Variants in DMTN observed in about 807,000 individuals in gnomAD.
DMTN encodes the protein dematin actin binding protein.
In DMTN, 27 loss-of-function variants were observed where a neutral mutation model predicts 59.4. That is an observed-to-expected ratio of 0.45 (90% CI 0.33 to 0.63). The LOEUF is 0.63. Among genes scored for constraint, DMTN ranks in the 20% least tolerant of loss-of-function variants. DMTN has a pLI of 0.02. For synonymous variants in DMTN, 221 were observed against 203.7 expected, an observed-to-expected ratio of 1.08 and a Z score of -0.72; for missense variants, 451 against 528.9, an observed-to-expected ratio of 0.85 and a Z score of 1.45.
In DMTN at chr8:22,069,228, G is replaced by C. The variant is rs890407951; in HGVS notation, c.294+168G>C. The C allele has an allele frequency of 3.3e-5, 30 of 913,356 alleles. No individual in the cohort carries two copies. In the African/African-American group the frequency reaches 5.1e-4, roughly 15 times the overall value. 56.6% of individuals were successfully genotyped at this position (913,356 alleles called of 1,614,324 possible). A position where few individuals can be genotyped will look rare whatever the true frequency, so the allele number is the denominator to read the frequency against. On this transcript the variant is annotated intron_variant, in intron 5 of 15. Transcript: ENST00000358242. ...GTGTCCATCATTCTGTCGGACCCAG[G>C]ACCTCAACCCTTTCTCCCTGGGCCA... is the stretch of plus-strand genomic sequence containing the variant.
At chr8:22,049,146 G>A (rs1297950930), upstream of DMTN, 2 of 150,122 alleles carry the variant, frequency 1.3e-5, no homozygotes, top group Non-Finnish European at 3.0e-5. Context: ...GCAGGCGAGG[G>A]CCCTGCGGAG....
upstream of DMTN, among the ~76,000 whole-genome samples, chr8:22,052,950 C>T (rs1287257333): frequency 6.6e-6 from 1 of 152,130 alleles, no homozygotes; most frequent in African/African-American, 2.4e-5. Context: ...AAAGTGTGCC[C>T]AGGCATCGTG....
chr8:22,074,837 G>A (rs1329296383), intron 10 of DMTN, among the ~76,000 whole-genome samples: 5 of 152,104 alleles, frequency 3.3e-5, no homozygotes, highest in Admixed American at 6.6e-5. Context: ...AGAGCTTGGC[G>A]GCTGGAGAGG....
In DMTN at chr8:22,081,564, G is replaced by A. The variant is rs568220637; in HGVS notation, c.*101G>A. 3.2e-4 allele frequency: 329 copies of A among 1,018,158 alleles called. 2 individuals carry two copies. The highest frequency in any genetic ancestry group is 4.1e-4 in the Non-Finnish European group (267 of 658,890). The allele number at this position is 1,018,158 out of a possible 1,614,324, so 63.1% of individuals were successfully genotyped here. ...AGGAGGTGGGGTGGAAATAGGGTGG[G>A]CTCCTTTCCTCAGGTAGAGTGGGGG... is the stretch of plus-strand genomic sequence containing the variant. On this transcript the variant is annotated 3_prime_UTR_variant, in exon 16 of 16. Transcript: ENST00000358242.
intron 10 of DMTN, among the ~76,000 whole-genome samples, chr8:22,076,457 T>G (rs1173089834): frequency 6.6e-6 from 1 of 151,594 alleles, no homozygotes; most frequent in Non-Finnish European, 1.5e-5. Context: ...ATAGAAAAAT[T>G]AGTTGGGAGT....
At chr8:22,078,798 G>GTTTTTTTTTTTTTTTTTTTTT (rs1224977627) in intron 10 of DMTN, among the ~76,000 whole-genome samples, 3 of 85,092 alleles carry the variant, frequency 3.5e-5, no homozygotes, top group Non-Finnish European at 6.3e-5. Flanking sequence ...ATGTCAGACT[G>GTTTTTTTTTTTTTTTTTTTTT]TTTTTTTTTT....
chr8:22,054,044 CAG>C (rs1488043284), upstream of DMTN, among the ~76,000 whole-genome samples: 2 of 152,038 alleles, frequency 1.3e-5, no homozygotes, highest in Admixed American at 6.5e-5. Context: ...GAGGTAGGGT[CAG>C]AGGATGGCAT....
intron 8 of DMTN, among the ~76,000 whole-genome samples, chr8:22,071,732 A>G (rs1279722613): frequency 6.6e-6 from 1 of 151,830 alleles, no homozygotes; most frequent in Non-Finnish European, 1.5e-5. Flanking sequence ...GGCGCCCGCC[A>G]CCACGCCCAG....
intron 9 of DMTN, among the ~76,000 whole-genome samples, chr8:22,072,671 T>C (rs1816630569): frequency 1.4e-5 from 2 of 140,866 alleles, no homozygotes; most frequent in Non-Finnish European, 3.1e-5. Context: ...GATAAGGTTT[T>C]GCCGTGTTGG....
chr8:22,056,577 C>T (rs1242264399), upstream of DMTN, among the ~76,000 whole-genome samples: 4 of 152,076 alleles, frequency 2.6e-5, no homozygotes, highest in African/African-American at 4.8e-5. Context: ...TGTGTGTGTG[C>T]GTGTGAGTGC....
intron 2 of DMTN, 63 bp from the exon 3 acceptor site, chr8:22,067,022 C>A (rs989115911): frequency 2.7e-6 from 4 of 1,459,202 alleles, no homozygotes; most frequent in Non-Finnish European, 3.6e-6. Context: ...GGCCTAGGGC[C>A]GCCCCCGCCC....
Position 22,057,144 on chromosome 8 carries a change from G to C in DMTN, c.-172+8G>C, listed in dbSNP as rs1018379283. 6.6e-6 allele frequency: 1 copy of C among 152,308 alleles called. No homozygotes were observed. The highest frequency in any genetic ancestry group is 1.5e-5 in the Non-Finnish European group (1 of 68,126). 9.4% of individuals were successfully genotyped at this position (152,308 alleles called of 1,614,324 possible). A position where few individuals can be genotyped will look rare whatever the true frequency, so the allele number is the denominator to read the frequency against. On this transcript the variant is annotated splice_region_variant and intron_variant, in intron 1 of 15. Coordinates refer to ENST00000358242, the MANE Select transcript of DMTN (RefSeq NM_001387751.1). ...CACACTGTCTGGGAAGAGGTAGGTG[G>C]CAGGGTCTCCGCCTCTCCTCCCCTC...
intron 10 of DMTN, among the ~76,000 whole-genome samples, chr8:22,078,799 T>TTTTTTTTC (rs1364451057): frequency 3.5e-4 from 1 of 2,894 alleles, no homozygotes; most frequent in East Asian, 0.015. Flanking sequence ...TGTCAGACTG[T>TTTTTTTTC]TTTTTTTTTT....
At chr8:22,076,084 G>T (rs1452280085) in intron 10 of DMTN, among the ~76,000 whole-genome samples, 1 of 152,130 alleles carries the variant, frequency 6.6e-6, no homozygotes, top group East Asian at 1.9e-4. Context: ...TTGGGTGCTG[G>T]GTGATGACCA....
chr8:22,057,396 C>T (rs1334435065), intron 1 of DMTN, among the ~76,000 whole-genome samples: 1 of 152,146 alleles, frequency 6.6e-6, no homozygotes, highest in Non-Finnish European at 1.5e-5. Context: ...TTGCCAGCAT[C>T]TCTGCCTGGC....
intron 9 of DMTN, among the ~76,000 whole-genome samples, chr8:22,072,954 A>G (rs1039265475): frequency 2.0e-5 from 3 of 152,168 alleles, no homozygotes; most frequent in Non-Finnish European, 4.4e-5. Context: ...ACTACTTGAT[A>G]TAAGGGTCAA....
chr8:22,081,524 C>A lies in DMTN; in HGVS notation c.*61C>A. ...CTGCTGCTTCAGGGTTTTTCCCCGG[C>A]GGGTTGGGAGGGGCAGGAGGTGGGG... On this transcript the variant is annotated 3_prime_UTR_variant, in exon 16 of 16. Coordinates refer to ENST00000358242, the MANE Select transcript of DMTN (RefSeq NM_001387751.1). 2.6e-6 allele frequency: 4 copies of A among 1,515,760 alleles called. No individual in the cohort carries two copies. Among genetic ancestry groups the A allele is most frequent in the South Asian group, 1.1e-5 (1 of 88,664 alleles). 93.9% of individuals were successfully genotyped at this position (1,515,760 alleles called of 1,614,324 possible).
rs764450579 is a variant in DMTN, at chr8:22,072,281, C to T, written c.605-45C>T. 28 of 1,565,890 alleles carry T rather than the reference C, an allele frequency of 1.8e-5. No individual in the cohort carries two copies. In the East Asian group the frequency reaches 4.1e-4, roughly 23 times the overall value. On this transcript the variant is annotated intron_variant, in intron 8 of 15. Transcript: ENST00000358242. Reference sequence around the variant, plus strand: ...CTGTGCCATGTAAACACACACTGACCCCATGGCGAGTGACTCCCTCCCCAC... The same window carrying T: ...CTGTGCCATGTAAACACACACTGACTCCATGGCGAGTGACTCCCTCCCCAC...
chr8:22,069,972 C>T (rs770258838), intron 7 of DMTN, 35 bp downstream of exon 7: 17 of 1,612,180 alleles, frequency 1.1e-5, no homozygotes, highest in South Asian at 5.5e-5. Context: ...AGCCTGCTTC[C>T]GGCTGCATGC....
Sources: allele counts gnomAD v4.1 joint callset (sites outside exome capture counted in the v4.1 genomes callset), GRCh38; gene constraint gnomAD v4.1.1; transcripts MANE v1.5; gene names NCBI Gene and HGNC (gene_info 2026-07-23, HGNC 2026-07-21).